The following GRIA3 variants were observed in gnomAD, a reference collection of about 807,000 sequenced individuals.
GRIA3 encodes the protein glutamate receptor 3.
In GRIA3, 3 loss-of-function variants were observed where a neutral mutation model predicts 63.0. The ratio of observed to expected loss-of-function variants is 0.05; its 90% confidence interval spans 0.02 to 0.12. The LOEUF is 0.12. Ranked by LOEUF, GRIA3 falls within the 10% of genes least tolerant of loss-of-function variation. The pLI, the probability that GRIA3 is intolerant of heterozygous loss-of-function variation, is 1.00. For missense variants in GRIA3, 347 were observed against 700.9 expected (o/e 0.50, Z 5.70); for synonymous variants, 274 against 257.9 (o/e 1.06, Z -0.60).
At chrX:123,445,837 A>G (rs2045700346) in intron 12 of GRIA3, among the ~76,000 whole-genome samples, 1 of 112,576 alleles carries the variant, frequency 8.9e-6, no homozygotes, top group Non-Finnish European at 1.9e-5. Context: ...GGCTTTCAGA[A>G]ATAAACATAA....
At chrX:123,453,333 T>C (rs897104644) in intron 12 of GRIA3, among the ~76,000 whole-genome samples, 3 of 109,653 alleles carry the variant, frequency 2.7e-5, no homozygotes, top group African/African-American at 1.0e-4. Context: ...TAGATGGGAA[T>C]TGAACAAAGA....
chrX:123,352,632 C>T (rs1026709438), intron 4 of GRIA3, among the ~76,000 whole-genome samples: 2 of 111,866 alleles, frequency 1.8e-5, no homozygotes, highest in African/African-American at 6.5e-5. Context: ...AGACGTATTC[C>T]TTTTCCTTGG....
intron 5 of GRIA3, among the ~76,000 whole-genome samples, chrX:123,392,084 T>C (rs1404923818): frequency 8.9e-6 from 1 of 112,265 alleles, no homozygotes; most frequent in Non-Finnish European, 1.9e-5. Context: ...AGGTTGGGGC[T>C]GAAGTGGCTG....
chrX:123,297,718 T>C (rs899733275), intron 3 of GRIA3, among the ~76,000 whole-genome samples: 3 of 111,318 alleles, frequency 2.7e-5, no homozygotes, highest in Non-Finnish European at 5.7e-5. Context: ...TCTTGGAAAA[T>C]ATTTTTTTTA....
At chrX:123,259,178 A>C (rs2044435750) in intron 3 of GRIA3, among the ~76,000 whole-genome samples, 1 of 112,117 alleles carries the variant, frequency 8.9e-6, no homozygotes, top group Non-Finnish European at 1.9e-5. Context: ...GGAAGGTCCT[A>C]AAGGGCTTAA....
chrX:123,209,199 T>A (rs952665089), intron 2 of GRIA3, among the ~76,000 whole-genome samples: 3 of 111,854 alleles, frequency 2.7e-5, no homozygotes, highest in African/African-American at 9.7e-5. Flanking sequence ...ACTAACCATA[T>A]TAGCTTGTAC....
At chrX:123,421,405 T>C (rs1024499112) in intron 11 of GRIA3, among the ~76,000 whole-genome samples, 1 of 111,838 alleles carries the variant, frequency 8.9e-6, no homozygotes, top group African/African-American at 3.3e-5. Flanking sequence ...TTTCTAGAAC[T>C]ATTAACAGAT....
intron 3 of GRIA3, among the ~76,000 whole-genome samples, chrX:123,314,347 A>T (rs1244647650): frequency 8.9e-6 from 1 of 112,744 alleles, no homozygotes; most frequent in Non-Finnish European, 1.9e-5. Flanking sequence ...GTGAGTTTGC[A>T]TCGCAGGCAG....
At chrX:123,402,357 C>T (rs532184422) in intron 7 of GRIA3, among the ~76,000 whole-genome samples, 2 of 105,139 alleles carry the variant, frequency 1.9e-5, no homozygotes, top group South Asian at 8.5e-4. Flanking sequence ...TAATAGATGC[C>T]ACATACTGTT....
intron 5 of GRIA3, among the ~76,000 whole-genome samples, chrX:123,363,777 T>C (rs2045193183): frequency 8.9e-6 from 1 of 112,563 alleles, no homozygotes; most frequent in Admixed American, 9.4e-5. Context: ...AACCTACAAA[T>C]CAAAATGGGT....
intron 3 of GRIA3, among the ~76,000 whole-genome samples, chrX:123,289,000 C>A (rs2044638996): frequency 8.9e-6 from 1 of 111,935 alleles, no homozygotes; most frequent in African/African-American, 3.3e-5. Context: ...TTCACAATAG[C>A]AAAGACTTGG....
chrX:123,416,348 T>C (rs1206425314), intron 10 of GRIA3, among the ~76,000 whole-genome samples: 1 of 111,657 alleles, frequency 9.0e-6, no homozygotes, highest in Admixed American at 9.5e-5. Context: ...GTTCTGAACA[T>C]AGAAAAAAAA....
chrX:123,236,995 G>A (rs939259850), intron 2 of GRIA3, among the ~76,000 whole-genome samples: 20 of 111,954 alleles, frequency 1.8e-4, no homozygotes, highest in Non-Finnish European at 3.8e-5. Flanking sequence ...CAAAATGGGG[G>A]CTTCAGGCCA....
rs188246895 is a variant in GRIA3 at position 123,285,558 on chromosome X, T to A, written c.508+32016T>A. On this transcript the variant is annotated intron_variant, in intron 3 of 15. Transcript: ENST00000620443. The stretch of plus-strand genomic sequence containing the variant: ...TCAAAATAAAGGGATGGAAAAATAC[T>A]TTCCAAGCAAATGAAAAGCAAAAAA... Among the ~76,000 whole-genome samples, 361 of 52,411 alleles carry A rather than the reference T, an allele frequency of 6.9e-3. 6 individuals are homozygous for A. The highest frequency in any genetic ancestry group is 0.067 in the South Asian group (54 of 804). The allele number at this position is 52,411 out of a possible 115,157, so 45.5% of individuals were successfully genotyped here.
chrX:123,348,780 C>A lies in GRIA3; in HGVS notation c.697-6130C>A, dbSNP rs867630050. On this transcript the variant is annotated intron_variant, in intron 4 of 15. Coordinates refer to ENST00000620443, the MANE Select transcript of GRIA3 (RefSeq NM_007325.5). ...TCCAGATTTTTTACACAGTCCCAGG[C>A]ATCATTTGCTACCTTCCGAACTCTG... Among the ~76,000 whole-genome samples the A allele has an allele frequency of 3.6e-5, 4 of 112,225 alleles. No individual in the cohort carries two copies. The Middle Eastern group carries it at 0.014, about 384-fold the overall frequency.
At chrX:123,322,008 G>C (rs1440684597) in intron 3 of GRIA3, among the ~76,000 whole-genome samples, 1 of 111,369 alleles carries the variant, frequency 9.0e-6, no homozygotes, top group African/African-American at 3.3e-5. Flanking sequence ...GATACCCCAG[G>C]AAAGGGTCAT....
intron 5 of GRIA3, among the ~76,000 whole-genome samples, chrX:123,392,195 G>A (rs1005207774): frequency 3.6e-5 from 4 of 112,151 alleles, no homozygotes; most frequent in African/African-American, 1.3e-4. Context: ...TATAAGCAGG[G>A]GAGCCTTTCC....
At chrX:123,402,941 G>A (rs2045450762) in intron 7 of GRIA3, 53 bp from the exon 8 acceptor site, 1 of 648,968 alleles carries the variant, frequency 1.5e-6, no homozygotes, top group Non-Finnish European at 2.6e-6. Context: ...CAGAGACTTA[G>A]AAGGCAATAA....
chrX:123,223,079 C>A (rs991632919), intron 2 of GRIA3, among the ~76,000 whole-genome samples: 6 of 112,536 alleles, frequency 5.3e-5, no homozygotes, highest in Non-Finnish European at 1.9e-5. Flanking sequence ...TGCTTCCAGG[C>A]GGGAAAGCCC....
Sources: gnomAD v4.1 joint callset for allele counts (sites outside exome capture counted in the v4.1 genomes callset) on GRCh38, gnomAD v4.1.1 for gene constraint, MANE v1.5 for transcripts, NCBI Gene and HGNC (gene_info 2026-07-23, HGNC 2026-07-21) for gene names.